SRSF5: variants seen among roughly 807,000 people sequenced by gnomAD.
SRSF5 encodes serine and arginine rich splicing factor 5.
SRSF5 carries 5 observed loss-of-function variants against 34.0 expected under a neutral mutation model. That is an observed-to-expected ratio of 0.15 (90% CI 0.08 to 0.31). SRSF5 has a LOEUF of 0.31. Among genes scored for constraint, SRSF5 ranks in the 10% least tolerant of loss-of-function variants. SRSF5 has a pLI of 1.00. For missense variants in SRSF5, 223 were observed against 351.4 expected (o/e 0.63, Z 2.92); for synonymous variants, 164 against 117.7 (o/e 1.39, Z -2.55).
At chr14:69,769,890 G>A in intron 5 of SRSF5, 41 of 1,167,660 alleles carry the variant, frequency 3.5e-5, no homozygotes, top group East Asian at 4.6e-5. Context: ...CCAATAGTCC[G>A]CTAATAGGGA....
At chr14:69,768,062 A>G in intron 1 of SRSF5, 76 bp from the exon 2 acceptor site, 1 of 1,513,372 alleles carries the variant, frequency 6.6e-7, no homozygotes, top group South Asian at 1.2e-5. Flanking sequence ...TATGCCGTTG[A>G]TGTTTTTGAT....
intron 5 of SRSF5, chr14:69,769,558 C>T (rs1233930869): frequency 2.6e-6 from 4 of 1,535,402 alleles, no homozygotes; most frequent in Admixed American, 2.0e-5. Context: ...GTGGGTTATC[C>T]TAATCGTTGT....
In SRSF5 at chr14:69,771,478, C is replaced by T. The variant is rs749898720; in HGVS notation, c.*17C>T. Reference sequence around the variant, plus strand: ...GGCAATTAAACTGTAAATAACTTGCCCTGGGGGCCTTTTTTTAAAAAACAA... The same window carrying T: ...GGCAATTAAACTGTAAATAACTTGCTCTGGGGGCCTTTTTTTAAAAAACAA... On this transcript the variant is annotated 3_prime_UTR_variant, in exon 8 of 8. Coordinates refer to ENST00000557154, the MANE Select transcript of SRSF5 (RefSeq NM_001320214.2). The T allele has an allele frequency of 1.9e-6, 3 of 1,584,536 alleles. No homozygotes were observed. Among genetic ancestry groups the T allele is most frequent in the African/African-American group, 1.4e-5 (1 of 73,268 alleles).
chr14:69,767,541 C>A (rs1442789949), intron 1 of SRSF5: 3 of 456,020 alleles, frequency 6.6e-6, no homozygotes, highest in Non-Finnish European at 1.3e-5. Flanking sequence ...GGGCCGGGAT[C>A]TCCCTGACTT....
intron 5 of SRSF5, chr14:69,770,218 A>G (rs1473380786): frequency 7.8e-7 from 1 of 1,275,372 alleles, no homozygotes; most frequent in African/African-American, 1.5e-5. Context: ...CTCAGCATAG[A>G]CTAATACTAC....
chr14:69,768,445 C>A, intron 2 of SRSF5, 159 bp from the exon 3 acceptor site: 1 of 1,229,656 alleles, frequency 8.1e-7, no homozygotes, highest in Admixed American at 2.0e-5. Context: ...CTTGCCGGCT[C>A]ACTGGAACCC....
At chr14:69,768,928 A>C in intron 4 of SRSF5, 32 bp downstream of exon 4, 8 of 1,593,300 alleles carry the variant, frequency 5.0e-6, no homozygotes, top group Non-Finnish European at 6.9e-6. Context: ...GCATTGAACA[A>C]TTATTGTAGG....
chr14:69,767,428 CTGAGG>C (rs1482958378), intron 1 of SRSF5, 173 bp downstream of exon 1: 2 of 455,806 alleles, frequency 4.4e-6, no homozygotes, highest in African/African-American at 4.0e-5. Flanking sequence ...TTGAGGGGTA[CTGAGG>C]TGAAAGGGCG....
chr14:69,769,752 C>T, intron 5 of SRSF5: 2 of 1,372,242 alleles, frequency 1.5e-6, no homozygotes, highest in South Asian at 1.8e-5. Flanking sequence ...ACCTGTCTTC[C>T]TGTAACGCTT....
intron 1 of SRSF5, 25 bp from the exon 2 acceptor site, chr14:69,768,113 T>C (rs769702089): frequency 6.8e-6 from 11 of 1,613,238 alleles, no homozygotes; most frequent in East Asian, 2.2e-5. Flanking sequence ...ATTGCTATTA[T>C]CTCGATTGAA....
At chr14:69,767,326 G>A in intron 1 of SRSF5, 71 bp downstream of exon 1, 1 of 454,326 alleles carries the variant, frequency 2.2e-6, no homozygotes, top group Non-Finnish European at 4.4e-6. Flanking sequence ...ATCGTGAGCG[G>A]CCGGGGCTGC....
intron 1 of SRSF5, chr14:69,767,704 C>T (rs961150626): frequency 3.3e-5 from 12 of 362,526 alleles, no homozygotes; most frequent in African/African-American, 1.1e-4. Context: ...AGCGCCCGCC[C>T]GCTGCTGTTG....
intron 6 of SRSF5, 54 bp downstream of exon 6, chr14:69,770,594 G>C: frequency 2.0e-6 from 3 of 1,521,164 alleles, no homozygotes; most frequent in Non-Finnish European, 2.7e-6. Flanking sequence ...ATTTTACTGT[G>C]AACTTAGTTT....
Position 69,768,837 on chromosome 14 carries a change from A to G in SRSF5, c.237A>G (p.Gly79=), listed in dbSNP as rs772811690. Residue 79 remains glycine, a synonymous_variant, in exon 4 of 8, where the codon GGA becomes GGG. Coordinates refer to ENST00000557154, the MANE Select transcript of SRSF5 (RefSeq NM_001320214.2). Reference sequence around the variant, plus strand: ...ATGCTAGGGCTCGGTCACGAGGTGGAAGAGGTAGAGGACGATACTCTGACC... The same window carrying G: ...ATGCTAGGGCTCGGTCACGAGGTGGGAGAGGTAGAGGACGATACTCTGACC... ...IEHARARSRG[G]RGRGRYSDRF... is the part of the protein sequence containing the mutation. 8 of 1,614,076 alleles carry G rather than the reference A, an allele frequency of 5.0e-6. No homozygotes were observed. The Admixed American group carries it at 5.0e-5, about 10-fold the overall frequency.
At position 69,771,473 on chromosome 14, in the gene SRSF5, C is replaced by T; in HGVS notation, c.*12C>T. On this transcript the variant is annotated 3_prime_UTR_variant, in exon 8 of 8. Coordinates refer to ENST00000557154, the MANE Select transcript of SRSF5 (RefSeq NM_001320214.2). Reference sequence around the variant, plus strand: ...ACAGTGGCAATTAAACTGTAAATAACTTGCCCTGGGGGCCTTTTTTTAAAA... The same window carrying T: ...ACAGTGGCAATTAAACTGTAAATAATTTGCCCTGGGGGCCTTTTTTTAAAA... 1 of 1,607,122 alleles carries T rather than the reference C, an allele frequency of 6.2e-7. No individual in the cohort carries two copies. The highest frequency in any genetic ancestry group is 1.7e-5 in the Admixed American group (1 of 59,070).
chr14:69,767,554 C>T, intron 1 of SRSF5: 1 of 455,978 alleles, frequency 2.2e-6, no homozygotes, highest in Non-Finnish European at 4.4e-6. Context: ...CCTGACTTTG[C>T]TGGCGATGCG....
intron 3 of SRSF5, 22 bp downstream of exon 3, chr14:69,768,696 A>G (rs1801970828): frequency 6.2e-7 from 1 of 1,613,438 alleles, no homozygotes; most frequent in South Asian, 1.1e-5. Flanking sequence ...GTGTAACTAG[A>G]TAACCCTGGG....
At chr14:69,767,902 G>C (rs900469799) in intron 1 of SRSF5, 2 of 471,354 alleles carry the variant, frequency 4.2e-6, no homozygotes, top group Admixed American at 3.4e-5. Context: ...CAGTTGGAAA[G>C]GTGGCAGTGG....
rs1883217201 is a variant in SRSF5 at position 69,771,590 on chromosome 14, G to C, written c.*129G>C. The C allele has an allele frequency of 1.3e-5, 13 of 991,976 alleles. 1 individual carries two copies. The highest frequency in any genetic ancestry group is 1.9e-5 in the Non-Finnish European group (13 of 702,454). 61.4% of individuals were successfully genotyped at this position (991,976 alleles called of 1,614,324 possible). ...GGGGGTGGGATTTGGAAGGGGGGTT[G>C]GGTTGGGCTGGATATCTTTGTAGAT... On this transcript the variant is annotated 3_prime_UTR_variant, in exon 8 of 8. Transcript: ENST00000557154.
Sources: allele counts gnomAD v4.1 joint callset, GRCh38; gene constraint gnomAD v4.1.1; transcripts MANE v1.5; gene names NCBI Gene and HGNC (gene_info 2026-07-23, HGNC 2026-07-21).